Variants in FIGN observed in about 807,000 individuals in gnomAD.
FIGN encodes fidgetin, microtubule severing factor, also known as fidgetin.
Under a neutral mutation model 51.3 loss-of-function variants are expected in FIGN, and 11 were observed. That is an observed-to-expected ratio of 0.21 (90% CI 0.13 to 0.35). The LOEUF (loss-of-function observed/expected upper bound fraction) is 0.35. Among genes scored for constraint, FIGN ranks in the 10% least tolerant of loss-of-function variants. FIGN has a pLI of 1.00. For synonymous variants in FIGN, 407 were observed against 363.2 expected (o/e 1.12, Z -1.37); for missense variants, 857 against 943.6 (o/e 0.91, Z 1.20).
chr2:163,638,821 C>T (rs541275716), intron 2 of FIGN, among the ~76,000 whole-genome samples: 3 of 152,244 alleles, frequency 2.0e-5, no homozygotes, highest in South Asian at 4.1e-4. Context: ...AGAGCACATA[C>T]ATTTCAATGA....
chr2:163,620,880 T>TGTGTGTGTG (rs1553493488), intron 2 of FIGN, among the ~76,000 whole-genome samples: 5 of 149,868 alleles, frequency 3.3e-5, no homozygotes, highest in East Asian at 1.9e-4. Flanking sequence ...TGTGTGTGTG[T>TGTGTGTGTG]TCCATTTCAA....
intron 2 of FIGN, among the ~76,000 whole-genome samples, chr2:163,626,881 T>A (rs1461887478): frequency 6.6e-6 from 1 of 152,150 alleles, no homozygotes; most frequent in Non-Finnish European, 1.5e-5. Flanking sequence ...CATTCTACGC[T>A]AATTATAATA....
intron 2 of FIGN, among the ~76,000 whole-genome samples, chr2:163,702,462 A>C (rs1181750539): frequency 6.6e-6 from 1 of 152,108 alleles, no homozygotes; most frequent in Non-Finnish European, 1.5e-5. Flanking sequence ...ACCACCATTT[A>C]TAACATTGTG....
chr2:163,655,806 G>C (rs11884920), intron 2 of FIGN, among the ~76,000 whole-genome samples: 1,897 of 124,950 alleles, frequency 0.015, 18 homozygotes, highest in South Asian at 0.038. Flanking sequence ...CACACACACA[G>C]AGAGAGAGAG....
intron 2 of FIGN, among the ~76,000 whole-genome samples, chr2:163,711,352 A>T (rs1308412676): frequency 2.0e-5 from 3 of 152,156 alleles, no homozygotes; most frequent in East Asian, 1.9e-4. Context: ...GATAAGATAA[A>T]TTTTTGCAAG....
intron 2 of FIGN, among the ~76,000 whole-genome samples, chr2:163,679,396 T>C (rs1238412065): frequency 2.6e-5 from 4 of 151,834 alleles, no homozygotes; most frequent in Non-Finnish European, 5.9e-5. Context: ...CTTGGGAGGC[T>C]GAGGCAGGAG....
chr2:163,611,013 C>G lies in FIGN; in HGVS notation c.819G>C (p.Ala273=), dbSNP rs776413594. 2.5e-6 allele frequency: 4 copies of G among 1,613,668 alleles called. No individual in the cohort carries two copies. In the East Asian group the frequency reaches 8.9e-5, roughly 36 times the overall value. The change falls in exon 3 of 3, where the codon GCG becomes GCC. Residue 273 remains alanine, a synonymous_variant. Transcript: ENST00000333129. ...SPGGAPPPPS[A]YLPSGIPAPT... The stretch of plus-strand genomic sequence containing the variant: ...GAGCAGGAATTCCTGAAGGCAGGTA[C>G]GCTGAAGGCGGAGGCGGTGCCCCCC...
intron 2 of FIGN, among the ~76,000 whole-genome samples, chr2:163,621,126 G>T (rs1228748418): frequency 6.6e-6 from 1 of 152,060 alleles, no homozygotes; most frequent in Non-Finnish European, 1.5e-5. Context: ...ATGTAAGATT[G>T]AGCACTGTCT....
intron 2 of FIGN, among the ~76,000 whole-genome samples, chr2:163,614,260 A>G (rs181762172): frequency 8.0e-4 from 122 of 152,280 alleles, no homozygotes; most frequent in Non-Finnish European, 1.3e-3. Flanking sequence ...CTTAAAGGGG[A>G]AAAGCTGCAA....
chr2:163,636,874 T>C (rs544437668), intron 2 of FIGN, among the ~76,000 whole-genome samples: 1 of 152,064 alleles, frequency 6.6e-6, no homozygotes, highest in African/African-American at 2.4e-5. Context: ...AGAAACACTT[T>C]CACTACCAGC....
At chr2:163,726,035 A>G (rs762824788) in intron 2 of FIGN, among the ~76,000 whole-genome samples, 1 of 152,138 alleles carries the variant, frequency 6.6e-6, no homozygotes, top group East Asian at 1.9e-4. Context: ...TTAGAATTAT[A>G]GGAAACATAT....
At chr2:163,661,797 AT>A (rs1683688663) in intron 2 of FIGN, among the ~76,000 whole-genome samples, 1 of 151,248 alleles carries the variant, frequency 6.6e-6, no homozygotes, top group African/African-American at 2.4e-5. Context: ...CTTCTTCCTC[AT>A]TTTTCTCTTG....
At chr2:163,641,090 G>A (rs1412327843) in intron 2 of FIGN, among the ~76,000 whole-genome samples, 5 of 152,108 alleles carry the variant, frequency 3.3e-5, no homozygotes, top group Non-Finnish European at 7.3e-5. Flanking sequence ...TTACCCAGAG[G>A]GCTTCCCGAT....
intron 2 of FIGN, among the ~76,000 whole-genome samples, chr2:163,687,854 T>C (rs1367776363): frequency 1.3e-5 from 2 of 152,202 alleles, no homozygotes; most frequent in South Asian, 4.1e-4. Context: ...TGTCCTCACA[T>C]ATCTTGGGTC....
intron 2 of FIGN, chr2:163,616,988 CTTA>C (rs1311311812): frequency 1.7e-5 from 9 of 540,610 alleles, no homozygotes; most frequent in Non-Finnish European, 2.1e-5. Flanking sequence ...GCAATATCTA[CTTA>C]TTATCATTCT....
At position 163,629,420 on chromosome 2, in the gene FIGN, A is replaced by AG. The variant is rs1396177193; in HGVS notation, c.26-17615dup. Among the ~76,000 whole-genome samples, 7 of 152,096 alleles carry AG rather than the reference A, an allele frequency of 4.6e-5. No individual in the cohort carries two copies. In the East Asian group the frequency reaches 1.4e-3, roughly 29 times the overall value. Reference sequence around the variant, plus strand: ...TCATGGTGAGTTGGTGATGGAGGAAAGGGGTTGTGAGAAAGTGAGATGGCA... The same window carrying AG: ...TCATGGTGAGTTGGTGATGGAGGAAAGGGGGTTGTGAGAAAGTGAGATGGCA... On this transcript the variant is annotated intron_variant, in intron 2 of 2. Transcript: ENST00000333129.
At chr2:163,709,525 G>C (rs1461547458) in intron 2 of FIGN, among the ~76,000 whole-genome samples, 1 of 152,024 alleles carries the variant, frequency 6.6e-6, no homozygotes, top group East Asian at 1.9e-4. Context: ...AAAGACCAAA[G>C]GTTTGGAAAT....
chr2:163,614,823 T>TA lies in FIGN; in HGVS notation c.26-3018dup, dbSNP rs201322672. ...ACTCAAATGAAACTGCTTATTTTTT[T>TA]AAAAAAACACAGGAGGTGGGAACCC... On this transcript the variant is annotated intron_variant, in intron 2 of 2. Coordinates refer to ENST00000333129, the MANE Select transcript of FIGN (RefSeq NM_018086.4). 1.6e-3 allele frequency among the ~76,000 whole-genome samples: 243 copies of TA among 151,904 alleles called. 1 individual carries two copies. The highest frequency in any genetic ancestry group is 2.7e-3 in the Non-Finnish European group (180 of 67,910).
chr2:163,608,542 A>C lies in FIGN; in HGVS notation c.*1010T>G, dbSNP rs1277056891. The C allele has an allele frequency of 6.6e-6, 1 of 152,412 alleles. No homozygotes were observed. The highest frequency in any genetic ancestry group is 2.4e-5 in the African/African-American group (1 of 41,446). 9.4% of individuals were successfully genotyped at this position (152,412 alleles called of 1,614,324 possible). A position where few individuals can be genotyped will look rare whatever the true frequency, so the allele number is the denominator to read the frequency against. On this transcript the variant is annotated 3_prime_UTR_variant, in exon 3 of 3. Transcript: ENST00000333129. ...GGTCTTGTGGCTGACAGGTCTAGAC[A>C]CTAACACAAACTGAATAAGTAGCTT...
Sources: allele counts gnomAD v4.1 joint callset (sites outside exome capture counted in the v4.1 genomes callset), GRCh38; gene constraint gnomAD v4.1.1; transcripts MANE v1.5; gene names NCBI Gene and HGNC (gene_info 2026-07-23, HGNC 2026-07-21).